ZNF704: variants seen among roughly 807,000 people sequenced by gnomAD.
ZNF704 encodes the protein glucocorticoid induced gene 1.
ZNF704 carries 10 observed loss-of-function variants against 44.7 expected under a neutral mutation model. That is an observed-to-expected ratio of 0.22 (90% CI 0.14 to 0.38). ZNF704 has a LOEUF of 0.38. Ranked by LOEUF, ZNF704 falls within the 10% of genes least tolerant of loss-of-function variation. The pLI is 1.00. For missense variants in ZNF704, 390 were observed against 545.5 expected (o/e 0.71, Z 2.84); for synonymous variants, 211 against 207.6 (o/e 1.02, Z -0.14).
At chr8:80,705,638 C>G (rs937619312) in intron 2 of ZNF704, among the ~76,000 whole-genome samples, 5 of 151,746 alleles carry the variant, frequency 3.3e-5, no homozygotes, top group Non-Finnish European at 7.4e-5. Context: ...CTGTGTGGGT[C>G]AGTGCTTCTG....
intron 4 of ZNF704, among the ~76,000 whole-genome samples, chr8:80,674,173 A>G (rs1455080113): frequency 6.6e-6 from 1 of 151,906 alleles, no homozygotes; most frequent in Admixed American, 6.6e-5. Flanking sequence ...AGCCTTCCTG[A>G]CCTCCTTGGG....
chr8:80,645,811 T>C (rs538809953), intron 7 of ZNF704, among the ~76,000 whole-genome samples: 4 of 152,212 alleles, frequency 2.6e-5, no homozygotes, highest in Non-Finnish European at 5.9e-5. Context: ...TATGGCCTAA[T>C]AGAGATCATC....
chr8:80,797,707 G>A (rs1375957224), intron 2 of ZNF704, among the ~76,000 whole-genome samples: 3 of 152,084 alleles, frequency 2.0e-5, no homozygotes, highest in Admixed American at 1.3e-4. Flanking sequence ...GGCCTCTGGG[G>A]CCCATGATGG....
intron 7 of ZNF704, among the ~76,000 whole-genome samples, chr8:80,649,647 G>A (rs1477961326): frequency 6.6e-6 from 1 of 152,230 alleles, no homozygotes; most frequent in African/African-American, 2.4e-5. Context: ...GGCTTGAGTA[G>A]GTAAACAAAG....
At chr8:80,708,782 C>T (rs1005220639) in intron 2 of ZNF704, among the ~76,000 whole-genome samples, 5 of 151,906 alleles carry the variant, frequency 3.3e-5, no homozygotes, top group South Asian at 2.1e-4. Flanking sequence ...CTAAATATTT[C>T]GAATACTAAT....
chr8:80,642,583 C>A (rs145489351), intron 8 of ZNF704, among the ~76,000 whole-genome samples: 28 of 152,274 alleles, frequency 1.8e-4, no homozygotes, highest in Non-Finnish European at 3.8e-4. Flanking sequence ...TTCTGGAATT[C>A]TCCATTTAAC....
chr8:80,868,883 A>C (rs1418490719), intron 1 of ZNF704, among the ~76,000 whole-genome samples: 1 of 152,062 alleles, frequency 6.6e-6, no homozygotes, highest in African/African-American at 2.4e-5. Context: ...CTCAACAATA[A>C]TTCCATCTCT....
intron 2 of ZNF704, among the ~76,000 whole-genome samples, chr8:80,801,777 A>G (rs1169685273): frequency 1.3e-5 from 2 of 152,160 alleles, no homozygotes; most frequent in Admixed American, 1.3e-4. Context: ...GAGAACCAAG[A>G]GCAAACAAAC....
Position 80,874,320 on chromosome 8 carries a change from C to T in ZNF704, c.-22+251G>A, listed in dbSNP as rs917684082. Among the ~76,000 whole-genome samples, 38 of 145,264 alleles carry T rather than the reference C, an allele frequency of 2.6e-4. 1 individual carries two copies. Among genetic ancestry groups the T allele is most frequent in the Non-Finnish European group, 5.2e-4 (34 of 65,398 alleles). On this transcript the variant is annotated intron_variant, in intron 1 of 8. Coordinates refer to ENST00000327835, the MANE Select transcript of ZNF704 (RefSeq NM_001033723.3). This position sits in a 1 kb window ranked among gnomAD's most constrained non-coding sequence, Gnocchi z 4.4. Reference sequence around the variant, plus strand: ...GTGTGAGCGAGCGGCGCGCTGCCGCCTCCGCCGCCGCCGCCGCCGCCCGGG... The same window carrying T: ...GTGTGAGCGAGCGGCGCGCTGCCGCTTCCGCCGCCGCCGCCGCCGCCCGGG...
chr8:80,750,526 T>C (rs1563540682), intron 2 of ZNF704, among the ~76,000 whole-genome samples: 1 of 151,802 alleles, frequency 6.6e-6, no homozygotes, highest in African/African-American at 2.4e-5. Context: ...TTTTTTTTTC[T>C]TTTTTTGAGA....
At chr8:80,846,693 A>C (rs73264435) in intron 1 of ZNF704, among the ~76,000 whole-genome samples, 2,405 of 152,278 alleles carry the variant, frequency 0.016, 81 homozygotes, top group African/African-American at 0.054. Context: ...AATTTAACTC[A>C]ATTTTTACTC....
chr8:80,781,416 A>C (rs888206700), intron 2 of ZNF704, among the ~76,000 whole-genome samples: 6 of 152,254 alleles, frequency 3.9e-5, no homozygotes, highest in Non-Finnish European at 8.8e-5. Context: ...TTATTTATGC[A>C]TACTGAAATT....
chr8:80,654,049 A>C (rs1817967558), intron 7 of ZNF704, among the ~76,000 whole-genome samples: 1 of 152,226 alleles, frequency 6.6e-6, no homozygotes, highest in Non-Finnish European at 1.5e-5. Flanking sequence ...ATCTACAATT[A>C]TCTGATCTTT....
chr8:80,846,384 T>C (rs1808767430), intron 1 of ZNF704, among the ~76,000 whole-genome samples: 1 of 133,848 alleles, frequency 7.5e-6, no homozygotes, highest in African/African-American at 2.7e-5. Flanking sequence ...CCCAGCTTTT[T>C]AAATACAGAG....
chr8:80,726,100 T>C (rs1183433131), intron 2 of ZNF704, among the ~76,000 whole-genome samples: 10 of 152,216 alleles, frequency 6.6e-5, no homozygotes, highest in South Asian at 6.2e-4. Context: ...TATCAAAATA[T>C]TGGCCATCTG....
intron 2 of ZNF704, among the ~76,000 whole-genome samples, chr8:80,796,827 GAAAGA>G (rs1356867090): frequency 2.2e-5 from 3 of 136,034 alleles, no homozygotes; most frequent in South Asian, 2.4e-4. Context: ...TGAAAGAAAA[GAAAGA>G]AAAGAAAAGA....
At chr8:80,709,448 A>T (rs1034032998) in intron 2 of ZNF704, among the ~76,000 whole-genome samples, 4,517 of 123,442 alleles carry the variant, frequency 0.037, 552 homozygotes, top group African/African-American at 0.14. Context: ...ATCTCAAAAA[A>T]AAAAAAAAAA....
chr8:80,847,137 T>C (rs1808779948), intron 1 of ZNF704, among the ~76,000 whole-genome samples: 1 of 152,108 alleles, frequency 6.6e-6, no homozygotes, highest in African/African-American at 2.4e-5. Context: ...TGAGCCACTG[T>C]ACTCCAGTCT....
At position 80,631,010 on chromosome 8, in the gene ZNF704, TTTC is replaced by T. The variant is rs1817575022; in HGVS notation, c.*10353_*10355del. The T allele has an allele frequency of 6.6e-6, 1 of 152,146 alleles. No individual in the cohort carries two copies. Among genetic ancestry groups the T allele is most frequent in the South Asian group, 2.1e-4 (1 of 4,826 alleles). 9.4% of individuals were successfully genotyped at this position (152,146 alleles called of 1,614,324 possible). Reference sequence around the variant, plus strand: ...AGTTCTTCCCTAAAAAGCTAAGTCTTTTCTAAAGCTTTCTACCAATGACCAAGG... The same window carrying T: ...AGTTCTTCCCTAAAAAGCTAAGTCTTTAAAGCTTTCTACCAATGACCAAGG... On this transcript the variant is annotated 3_prime_UTR_variant, in exon 9 of 9. Coordinates refer to ENST00000327835, the MANE Select transcript of ZNF704 (RefSeq NM_001033723.3).
Sources: gnomAD v4.1 joint callset for allele counts (sites outside exome capture counted in the v4.1 genomes callset) on GRCh38, gnomAD v4.1.1 for gene constraint, Gnocchi (gnomAD v3.1) non-coding constraint, MANE v1.5 for transcripts, NCBI Gene and HGNC (gene_info 2026-07-23, HGNC 2026-07-21) for gene names.